The following CACNG3 variants were observed in gnomAD, a reference collection of about 807,000 sequenced individuals.
CACNG3 encodes voltage-dependent calcium channel gamma-3 subunit.
CACNG3 carries 3 observed loss-of-function variants against 28.5 expected under a neutral mutation model. That is an observed-to-expected ratio of 0.11 (90% CI 0.05 to 0.27). CACNG3 has a LOEUF of 0.27. CACNG3 is among the 10% of genes least tolerant of loss of function. The pLI, the probability that CACNG3 is intolerant of heterozygous loss-of-function variation, is 1.00. For synonymous variants in CACNG3, 174 were observed against 162.2 expected (o/e 1.07, Z -0.55); for missense variants, 236 against 414.4 (o/e 0.57, Z 3.74).
intron 1 of CACNG3, among the ~76,000 whole-genome samples, chr16:24,339,599 T>C (rs1234733218): frequency 6.6e-6 from 1 of 152,178 alleles, no homozygotes; most frequent in African/African-American, 2.4e-5. Context: ...CTGGCCAGGC[T>C]GGCCTCGAAC....
intron 1 of CACNG3, among the ~76,000 whole-genome samples, chr16:24,269,883 T>C (rs571491373): frequency 1.3e-5 from 2 of 150,952 alleles, no homozygotes; most frequent in African/African-American, 4.8e-5. Context: ...TTCCATTTTA[T>C]CCACGAAGAT....
intron 3 of CACNG3, among the ~76,000 whole-genome samples, chr16:24,357,161 G>A (rs1415036417): frequency 6.7e-6 from 1 of 150,190 alleles, no homozygotes; most frequent in Non-Finnish European, 1.5e-5. Flanking sequence ...TTGAACCCAG[G>A]AGGCAGAGGT....
intron 1 of CACNG3, among the ~76,000 whole-genome samples, chr16:24,310,536 C>A (rs1238554425): frequency 6.6e-6 from 1 of 151,634 alleles, no homozygotes; most frequent in African/African-American, 2.4e-5. Context: ...TGCACTCCAG[C>A]CTGGGTGGCA....
chr16:24,281,889 G>A (rs569176612), intron 1 of CACNG3, among the ~76,000 whole-genome samples: 2 of 152,270 alleles, frequency 1.3e-5, no homozygotes, highest in South Asian at 2.1e-4. Context: ...GCCCAGGACC[G>A]ACAGCCAGTA....
intron 1 of CACNG3, among the ~76,000 whole-genome samples, chr16:24,283,490 A>T (rs1442660140): frequency 2.0e-5 from 3 of 152,192 alleles, no homozygotes; most frequent in South Asian, 4.1e-4. Flanking sequence ...GTTTTCCAGG[A>T]TATTTTCTAA....
chr16:24,335,585 G>A (rs1393255176), intron 1 of CACNG3, among the ~76,000 whole-genome samples: 1 of 152,154 alleles, frequency 6.6e-6, no homozygotes, highest in Non-Finnish European at 1.5e-5. Flanking sequence ...AGGAAACTGA[G>A]GCACTTTTAA....
chr16:24,315,507 T>C (rs1899337457), intron 1 of CACNG3, among the ~76,000 whole-genome samples: 1 of 151,430 alleles, frequency 6.6e-6, no homozygotes, highest in African/African-American at 2.4e-5. Context: ...CTGCTTTCTT[T>C]CTTTCTTTTC....
At chr16:24,312,955 G>GAA (rs376780380) in intron 1 of CACNG3, among the ~76,000 whole-genome samples, 23,811 of 110,224 alleles carry the variant, frequency 0.22, 2,346 homozygotes, top group African/African-American at 0.31. Context: ...AAGAAAGAAA[G>GAA]AGAAAGAAAG....
At chr16:24,269,746 C>CAAAAAAAAAA (rs1163565728) in intron 1 of CACNG3, among the ~76,000 whole-genome samples, 14 of 71,064 alleles carry the variant, frequency 2.0e-4, no homozygotes, top group Admixed American at 3.6e-4. Flanking sequence ...GACTCCATCT[C>CAAAAAAAAAA]AAAAAAAAAA....
At chr16:24,280,066 A>G (rs1223621441) in intron 1 of CACNG3, among the ~76,000 whole-genome samples, 1 of 152,226 alleles carries the variant, frequency 6.6e-6, no homozygotes, top group Non-Finnish European at 1.5e-5. Flanking sequence ...GCAACCGGTG[A>G]AAGGTCATTA....
chr16:24,257,368 GGAGAGAGAGAGAGAGAGA>G (rs71154293), intron 1 of CACNG3, among the ~76,000 whole-genome samples: 837 of 52,850 alleles, frequency 0.016, 113 homozygotes, highest in East Asian at 0.12. Context: ...AAGTGAGGGG[GGAGAGAGAGAGAGAGAGA>G]GAGAGAGAGA....
chr16:24,264,493 C>G (rs1386078068), intron 1 of CACNG3, among the ~76,000 whole-genome samples: 1 of 152,184 alleles, frequency 6.6e-6, no homozygotes, highest in Admixed American at 6.5e-5. Context: ...CTCCAATAAC[C>G]AATGCATGTA....
intron 2 of CACNG3, among the ~76,000 whole-genome samples, chr16:24,354,571 A>T (rs774089680): frequency 1.3e-5 from 2 of 152,230 alleles, no homozygotes; most frequent in Non-Finnish European, 2.9e-5. Flanking sequence ...TCATTGTCCC[A>T]TCAGACTTCA....
intron 1 of CACNG3, among the ~76,000 whole-genome samples, chr16:24,299,799 T>G (rs1899081809): frequency 6.6e-6 from 1 of 152,134 alleles, no homozygotes; most frequent in Admixed American, 6.6e-5. Flanking sequence ...TTTGAAAGGC[T>G]TTTGAGTCAT....
chr16:24,327,096 T>C (rs1387165698), intron 1 of CACNG3, among the ~76,000 whole-genome samples: 1 of 113,228 alleles, frequency 8.8e-6, no homozygotes, highest in African/African-American at 3.6e-5. Flanking sequence ...CCTAAGTCTC[T>C]AAGGAGTGGC....
intron 1 of CACNG3, among the ~76,000 whole-genome samples, chr16:24,257,855 A>G (rs187278870): frequency 1.7e-4 from 26 of 152,344 alleles, no homozygotes; most frequent in Middle Eastern, 3.4e-3. Context: ...TTTGTAGCCT[A>G]TCACACTATT....
rs529237172 is a variant in CACNG3 at position 24,324,635 on chromosome 16, A to G, written c.212-22099A>G. Among the ~76,000 whole-genome samples, 381 of 152,186 alleles carry G rather than the reference A, an allele frequency of 2.5e-3. 2 individuals are homozygous for G. The highest frequency in any genetic ancestry group is 0.014 in the Middle Eastern group (4 of 294). ...CCATTTACAAAATGCATATCCTATC[A>G]TATCACTCTCCTGCTTAATCCCTGA... On this transcript the variant is annotated intron_variant, in intron 1 of 3. Coordinates refer to ENST00000005284, the MANE Select transcript of CACNG3 (RefSeq NM_006539.4).
At chr16:24,345,938 G>A (rs1362432336) in intron 1 of CACNG3, among the ~76,000 whole-genome samples, 1 of 152,152 alleles carries the variant, frequency 6.6e-6, no homozygotes, top group Non-Finnish European at 1.5e-5. Context: ...TTAGGTTGGT[G>A]CAAAAGTAAT....
chr16:24,302,521 C>T (rs1267358978), intron 1 of CACNG3, among the ~76,000 whole-genome samples: 1 of 152,112 alleles, frequency 6.6e-6, no homozygotes, highest in African/African-American at 2.4e-5. Context: ...GTGGCATCAT[C>T]ATAGCTCCCT....
Sources: allele counts gnomAD v4.1 joint callset (sites outside exome capture counted in the v4.1 genomes callset), GRCh38; gene constraint gnomAD v4.1.1; transcripts MANE v1.5; gene names NCBI Gene and HGNC (gene_info 2026-07-23, HGNC 2026-07-21).